The following SRGAP2 variants were observed in gnomAD, a reference collection of about 807,000 sequenced individuals.
SRGAP2 encodes the protein SLIT-ROBO Rho GTPase-activating protein 2.
In SRGAP2, 15 loss-of-function variants were observed where a neutral mutation model predicts 57.2. The observed-to-expected ratio is 0.26, with a 90% CI of 0.18 to 0.40. SRGAP2 has a LOEUF of 0.40. SRGAP2 is among the 10% of genes least tolerant of loss of function. The pLI, the probability that SRGAP2 is intolerant of heterozygous loss-of-function variation, is 1.00. For missense variants in SRGAP2, 520 were observed against 669.6 expected (o/e 0.78, Z 2.47); for synonymous variants, 249 against 248.0 (o/e 1.00, Z -0.04).
intron 2 of SRGAP2, among the ~76,000 whole-genome samples, chr1:206,294,133 T>TATTGAAATA (rs1671466792): frequency 1.9e-5 from 1 of 52,606 alleles, no homozygotes; most frequent in African/African-American, 6.3e-5. Context: ...GTCACGATGA[T>TATTGAAATA]ATTGAAATAT....
intron 7 of SRGAP2, among the ~76,000 whole-genome samples, chr1:206,394,610 G>A (rs1340920541): frequency 6.6e-6 from 1 of 152,210 alleles, no homozygotes; most frequent in African/African-American, 2.4e-5. Flanking sequence ...GTCCTGTCAG[G>A]AAGGTATCCA....
intron 21 of SRGAP2, among the ~76,000 whole-genome samples, chr1:206,457,633 G>A (rs1177491059): frequency 6.6e-6 from 1 of 152,180 alleles, no homozygotes; most frequent in African/African-American, 2.4e-5. Context: ...ATACATGCCA[G>A]GTCCTGGGCC....
chr1:206,222,699 G>A (rs1667075168), intron 2 of SRGAP2, among the ~76,000 whole-genome samples: 1 of 150,256 alleles, frequency 6.7e-6, no homozygotes, highest in Non-Finnish European at 1.5e-5. Flanking sequence ...GTAGTTTTTT[G>A]TAATGGCAAG....
At chr1:206,410,246 G>A (rs1659096489) in intron 10 of SRGAP2, among the ~76,000 whole-genome samples, 1 of 152,204 alleles carries the variant, frequency 6.6e-6, no homozygotes, top group Non-Finnish European at 1.5e-5. Flanking sequence ...GAAGGGCTCA[G>A]GAACAGCTCA....
intron 13 of SRGAP2, among the ~76,000 whole-genome samples, chr1:206,422,812 G>A (rs1181558855): frequency 6.6e-6 from 1 of 152,194 alleles, no homozygotes. Flanking sequence ...TGTTTGCCTG[G>A]TGCTAGATTT....
chr1:206,416,179 G>A (rs193178208), intron 11 of SRGAP2, among the ~76,000 whole-genome samples: 3 of 152,304 alleles, frequency 2.0e-5, no homozygotes, highest in Admixed American at 6.5e-5. Context: ...AAGCACTAAC[G>A]TGTATCATCT....
intron 3 of SRGAP2, among the ~76,000 whole-genome samples, chr1:206,306,176 C>G (rs1235316130): frequency 2.0e-5 from 3 of 152,164 alleles, no homozygotes; most frequent in Admixed American, 1.3e-4. Flanking sequence ...GGTTCTTGGT[C>G]TCACTGACTT....
chr1:206,268,081 A>ATTTTTTT (rs71568075), intron 2 of SRGAP2, among the ~76,000 whole-genome samples: 1 of 145,260 alleles, frequency 6.9e-6, no homozygotes, highest in Non-Finnish European at 1.5e-5. Flanking sequence ...ATATATATAT[A>ATTTTTTT]TTTTTTTTTT....
At chr1:206,347,927 G>T (rs78185643) in intron 4 of SRGAP2, among the ~76,000 whole-genome samples, 1 of 151,972 alleles carries the variant, frequency 6.6e-6, no homozygotes, top group African/African-American at 2.4e-5. Context: ...CAAAATATCT[G>T]TGCCCCCTGT....
Position 206,327,781 on chromosome 1 carries a change from T to A in SRGAP2, c.261-15065T>A, listed in dbSNP as rs1357802045. Among the ~76,000 whole-genome samples the A allele has an allele frequency of 2.4e-3, 248 of 104,412 alleles. 6 individuals carry two copies. Among genetic ancestry groups the A allele is most frequent in the Middle Eastern group, 0.015 (4 of 260 alleles). 68.5% of individuals were successfully genotyped at this position (104,412 alleles called of 152,430 possible). ...ACTGCTGATAATTCCATATAATATA[T>A]CTAGCACTACAACTACACTGAATCA... On this transcript the variant is annotated intron_variant, in intron 3 of 22. Transcript: ENST00000573034.
At chr1:206,371,723 T>C (rs1571982400) in intron 4 of SRGAP2, among the ~76,000 whole-genome samples, 1 of 118,844 alleles carries the variant, frequency 8.4e-6, no homozygotes, top group Non-Finnish European at 1.7e-5. Flanking sequence ...TGAGTGAGAC[T>C]CCGTCTCCAA....
intron 2 of SRGAP2, among the ~76,000 whole-genome samples, chr1:206,291,898 A>C (rs1671346767): frequency 6.7e-6 from 1 of 149,294 alleles, no homozygotes; most frequent in East Asian, 1.9e-4. Context: ...TCATTGGAAT[A>C]AGTTTTGTCA....
intron 2 of SRGAP2, among the ~76,000 whole-genome samples, chr1:206,286,433 G>A (rs1671027370): frequency 6.6e-6 from 1 of 151,426 alleles, no homozygotes; most frequent in Admixed American, 6.6e-5. Flanking sequence ...GCAATAAATT[G>A]TTCCAAATCC....
At chr1:206,384,486 T>G (rs1656004752) in intron 5 of SRGAP2, among the ~76,000 whole-genome samples, 1 of 151,838 alleles carries the variant, frequency 6.6e-6, no homozygotes, top group South Asian at 2.1e-4. Context: ...CATCAGATCT[T>G]GGATTGATGT....
chr1:206,253,513 T>G (rs531538068), intron 2 of SRGAP2, among the ~76,000 whole-genome samples: 190 of 152,100 alleles, frequency 1.2e-3, no homozygotes, highest in Non-Finnish European at 2.0e-3. Flanking sequence ...TTTCTTCTTT[T>G]CTTTCCTCCC....
At position 206,458,932 on chromosome 1, in the gene SRGAP2, T is replaced by C. The variant is rs1553379588; in HGVS notation, c.2817T>C (p.Pro939=). 2 of 772,424 alleles carry C rather than the reference T, an allele frequency of 2.6e-6. No homozygotes were observed. Among genetic ancestry groups the C allele is most frequent in the Non-Finnish European group, 4.8e-6 (2 of 413,430 alleles). The allele number at this position is 772,424 out of a possible 1,614,324, so 47.8% of individuals were successfully genotyped here. A position where few individuals can be genotyped will look rare whatever the true frequency, so the allele number is the denominator to read the frequency against. Residue 939 remains proline (P), a synonymous_variant, in exon 22 of 23, where the codon CCT becomes CCC. Transcript: ENST00000573034. ...TCAATAACCATCGGCCCATGGACCC[T>C]GAGGTCATTGCTCAGGTAACTGTGG... ...KSFNNHRPMD[P]EVIAQDIEAT...
intron 7 of SRGAP2, among the ~76,000 whole-genome samples, chr1:206,394,571 A>C (rs1192799308): frequency 2.0e-5 from 3 of 152,164 alleles, no homozygotes; most frequent in Non-Finnish European, 4.4e-5. Flanking sequence ...TACGAGACTC[A>C]CTTGTCCAAG....
At chr1:206,448,668 G>T (rs1662975945) in intron 18 of SRGAP2, among the ~76,000 whole-genome samples, 1 of 152,144 alleles carries the variant, frequency 6.6e-6, no homozygotes. Flanking sequence ...GCTCGCTGAA[G>T]TTTAGAACTG....
intron 2 of SRGAP2, among the ~76,000 whole-genome samples, chr1:206,210,944 A>G (rs1666278588): frequency 6.6e-6 from 1 of 152,192 alleles, no homozygotes; most frequent in Admixed American, 6.5e-5. Context: ...AACTGGAAGA[A>G]AATGAAACTC....
Sources: allele counts gnomAD v4.1 joint callset (sites outside exome capture counted in the v4.1 genomes callset), GRCh38; gene constraint gnomAD v4.1.1; transcripts MANE v1.5; gene names NCBI Gene and HGNC (gene_info 2026-07-23, HGNC 2026-07-21).